The following ABCC6 variants were observed in gnomAD, a reference collection of about 807,000 sequenced individuals.
The protein encoded by ABCC6 is ATP-binding cassette sub-family C member 6.
In ABCC6, 126 loss-of-function variants were observed where a neutral mutation model predicts 169.5. The observed-to-expected ratio is 0.74, with a 90% CI of 0.64 to 0.86. ABCC6 has a LOEUF of 0.86. Among genes scored for constraint, ABCC6 ranks in the 40% least tolerant of loss-of-function variants. The probability of loss-of-function intolerance (pLI) is 0.00; values close to 1 mark genes in which losing one functional copy is unlikely to be tolerated. For missense variants in ABCC6, 1,733 were observed against 1,927.2 expected (o/e 0.90, Z 1.89); for synonymous variants, 752 against 814.7 (o/e 0.92, Z 1.31).
At chr16:16,158,429 CCATCCATCCATG>C (rs1297201025) in intron 26 of ABCC6, among the ~76,000 whole-genome samples, 1 of 144,226 alleles carries the variant, frequency 6.9e-6, no homozygotes, top group Non-Finnish European at 1.6e-5. Context: ...TCCCACCCAT[CCATCCATCCATG>C]CATCCATCCA....
chr16:16,177,902 C>T (rs2047334791), intron 18 of ABCC6, among the ~76,000 whole-genome samples: 2 of 151,058 alleles, frequency 1.3e-5, no homozygotes, highest in Non-Finnish European at 2.9e-5. Flanking sequence ...GAGATTGGAC[C>T]ACAGCACTCC....
chr16:16,190,379 G>C lies in ABCC6; in HGVS notation c.1432-12C>G. The C allele has an allele frequency of 6.2e-7, 1 of 1,613,932 alleles. No individual in the cohort carries two copies. Among genetic ancestry groups the C allele is most frequent in the Non-Finnish European group, 8.5e-7 (1 of 1,179,958 alleles). On this transcript the variant is annotated splice_polypyrimidine_tract_variant and intron_variant, in intron 11 of 30. Transcript: ENST00000205557. Reference sequence around the variant, plus strand: ...CTCATTTGCTCCTCCTGGGATCGGAGGGAAAAAGAGAGATGAAGACAGGGA... The same window carrying C: ...CTCATTTGCTCCTCCTGGGATCGGACGGAAAAAGAGAGATGAAGACAGGGA...
chr16:16,156,941 T>G (rs923235054), intron 27 of ABCC6, among the ~76,000 whole-genome samples: 1 of 23,572 alleles, frequency 4.2e-5, no homozygotes, highest in Non-Finnish European at 1.2e-4. Context: ...AGACTCTGTC[T>G]CAAAAAAAAA....
At chr16:16,219,367 A>C (rs1260573331) in intron 4 of ABCC6, among the ~76,000 whole-genome samples, 187 bp downstream of exon 4, 2 of 152,148 alleles carry the variant, frequency 1.3e-5, no homozygotes, top group East Asian at 1.9e-4. Context: ...TGTTGATAAG[A>C]AATGTATGGG....
At position 16,150,608 on chromosome 16, in the gene ABCC6, T is replaced by C; in HGVS notation, c.4373A>G (p.His1458Arg). The change falls in exon 30 of 31, where the codon CAC (histidine) becomes CGC (arginine). Residue 1458 changes from histidine to arginine, a missense_variant. This residue lies in a region of ABCC6 where 1,601 missense variants were observed against 1,635.5 expected (regional missense o/e 0.98). Transcript: ENST00000205557. ...ACAGTCCATCACGGAGCGCAGGCGG[T>C]GGGCAATGAGCAGCACAGTGCACTG... ...FAQCTVLLIA[H>R]RLRSVMDCAR... is the part of the protein sequence containing the mutation. The C allele has an allele frequency of 6.2e-7, 1 of 1,612,422 alleles. No homozygotes were observed. Among genetic ancestry groups the C allele is most frequent in the Non-Finnish European group, 8.5e-7 (1 of 1,179,220 alleles).
chr16:16,150,108 C>A lies in ABCC6; in HGVS notation c.*25G>T, dbSNP rs190110936. ...CTGCAGGCTGTGCGGGCTGGTCCAA[C>A]TGGGGTACGGTTGAGGGTCCTGGCT... On this transcript the variant is annotated 3_prime_UTR_variant, in exon 31 of 31. Coordinates refer to ENST00000205557, the MANE Select transcript of ABCC6 (RefSeq NM_001171.6). 260 of 1,611,632 alleles carry A rather than the reference C, an allele frequency of 1.6e-4. 2 individuals carry two copies. The East Asian group carries it at 5.7e-3, about 35-fold the overall frequency.
chr16:16,222,297 A>C (rs1225173205), intron 1 of ABCC6, among the ~76,000 whole-genome samples: 1 of 152,188 alleles, frequency 6.6e-6, no homozygotes, highest in Non-Finnish European at 1.5e-5. Flanking sequence ...GAAGTGGCAA[A>C]GCTGACTCTG....
At chr16:16,158,231 T>C (rs535957817) in intron 26 of ABCC6, among the ~76,000 whole-genome samples, 43 of 152,324 alleles carry the variant, frequency 2.8e-4, no homozygotes, top group African/African-American at 9.6e-4. Context: ...CAGACATGTA[T>C]TGAGTGTTTG....
In ABCC6 at chr16:16,157,641, A is replaced by G. The variant is rs766355600; in HGVS notation, c.3882+22T>C. 15 of 1,613,830 alleles carry G rather than the reference A, an allele frequency of 9.3e-6. No individual in the cohort carries two copies. In the Admixed American group the frequency reaches 2.3e-4, roughly 25 times the overall value. On this transcript the variant is annotated intron_variant, in intron 27 of 30. Transcript: ENST00000205557. ...CTTTGGCCTAAACTCCATGAAGAAGACATTGTGAGAGAACCACTCACCTTC... is the reference window on the plus strand; with the variant it reads ...CTTTGGCCTAAACTCCATGAAGAAGGCATTGTGAGAGAACCACTCACCTTC...
At chr16:16,160,500 TCAAAA>T (rs1309650063) in intron 25 of ABCC6, among the ~76,000 whole-genome samples, 1 of 151,548 alleles carries the variant, frequency 6.6e-6, no homozygotes, top group Non-Finnish European at 1.5e-5. Flanking sequence ...AGACCTTGTC[TCAAAA>T]CAAAACAGCT....
In ABCC6 at chr16:16,150,295, G is replaced by T. The variant is rs554117240; in HGVS notation, c.4404-54C>A. ...CTTTGGACACCAGCCCAGGCTCTCG[G>T]CAGCTGTGAGAGCCCAGTGTGTCTG... is the stretch of plus-strand genomic sequence containing the variant. On this transcript the variant is annotated intron_variant, in intron 30 of 30. Coordinates refer to ENST00000205557, the MANE Select transcript of ABCC6 (RefSeq NM_001171.6). 14 of 1,610,812 alleles carry T rather than the reference G, an allele frequency of 8.7e-6. No homozygotes were observed. In the Admixed American group the frequency reaches 1.3e-4, roughly 15 times the overall value.
At chr16:16,195,872 G>GT (rs760111077) in intron 10 of ABCC6, among the ~76,000 whole-genome samples, 31 of 152,012 alleles carry the variant, frequency 2.0e-4, no homozygotes, top group African/African-American at 5.8e-4. Context: ...GAGCATTCGA[G>GT]TTTTTTTTGG....
chr16:16,200,297 C>T (rs555323272), intron 9 of ABCC6, among the ~76,000 whole-genome samples: 6 of 151,334 alleles, frequency 4.0e-5, no homozygotes, highest in Non-Finnish European at 8.8e-5. Context: ...GGCATGGTGG[C>T]GCACACCTGT....
At chr16:16,178,531 GA>G (rs1257997368) in intron 18 of ABCC6, among the ~76,000 whole-genome samples, 2 of 151,990 alleles carry the variant, frequency 1.3e-5, no homozygotes, top group Non-Finnish European at 2.9e-5. Flanking sequence ...AGAAGACAAG[GA>G]GTACATCTGA....
rs748000420 is a variant in ABCC6 at position 16,178,922 on chromosome 16, G to A, written c.2291C>T (p.Ala764Val). The A allele has an allele frequency of 6.8e-6, 11 of 1,613,322 alleles. No homozygotes were observed. In the Admixed American group the frequency reaches 1.5e-4, roughly 22 times the overall value. ...AGCTGCCTTTCTGTATACAGCCCGG[G>A]CCAGGCTCAGCCGCTGCTTCTGGCC... is the stretch of plus-strand genomic sequence containing the variant. ...SGGQKQRLSL[A>V]RAVYRKAAVY... Residue 764 changes from alanine (A) to valine (V), a missense_variant, in exon 18 of 31, where the codon GCC (alanine) becomes GTC (valine). Ala to Val is a moderately conservative substitution (Grantham distance 64). Around this residue, in one of 5 missense-constraint regions of ABCC6, gnomAD observed 1,601 missense variants for 1,635.5 expected, o/e 0.98. Transcript: ENST00000205557.
At chr16:16,158,126 A>G (rs1337710559) in intron 26 of ABCC6, among the ~76,000 whole-genome samples, 1 of 152,166 alleles carries the variant, frequency 6.6e-6, no homozygotes, top group Non-Finnish European at 1.5e-5. Flanking sequence ...TGGGAAGACC[A>G]ATACTGCCTT....
chr16:16,214,245 A>T, intron 5 of ABCC6, 79 bp downstream of exon 5: 2 of 1,546,584 alleles, frequency 1.3e-6, no homozygotes, highest in Non-Finnish European at 8.7e-7. Flanking sequence ...TGAATAAAAA[A>T]ATTAAAGACT....
intron 14 of ABCC6, among the ~76,000 whole-genome samples, chr16:16,186,729 A>T (rs1004339412): frequency 2.0e-5 from 3 of 151,346 alleles, no homozygotes; most frequent in African/African-American, 7.3e-5. Context: ...ATTATATAGT[A>T]CAATGTAATA....
At chr16:16,188,680 C>T in intron 13 of ABCC6, 151 bp downstream of exon 13, 4 of 1,156,292 alleles carry the variant, frequency 3.5e-6, no homozygotes, top group South Asian at 2.7e-5. Context: ...TCTGTTCTTG[C>T]CCCTACCCGC....
Sources: allele counts gnomAD v4.1 joint callset (sites outside exome capture counted in the v4.1 genomes callset), GRCh38; gene constraint gnomAD v4.1.1; regional missense constraint gnomAD v4.1.1; transcripts MANE v1.5; gene names NCBI Gene and HGNC (gene_info 2026-07-23, HGNC 2026-07-21).